The following RPS6KA5 variants were observed in gnomAD, a reference collection of about 807,000 sequenced individuals.
RPS6KA5 encodes the protein ribosomal protein S6 kinase alpha-5.
RPS6KA5 carries 27 observed loss-of-function variants against 85.5 expected under a neutral mutation model. That is an observed-to-expected ratio of 0.32 (90% CI 0.23 to 0.44). The LOEUF (loss-of-function observed/expected upper bound fraction) is 0.44, where lower values mean the gene tolerates loss of function less well. Among genes scored for constraint, RPS6KA5 ranks in the 20% least tolerant of loss-of-function variants. The pLI, the probability that RPS6KA5 is intolerant of heterozygous loss-of-function variation, is 1.00. For missense variants in RPS6KA5, 811 were observed against 980.9 expected, an observed-to-expected ratio of 0.83 and a Z score of 2.31; for synonymous variants, 334 against 348.2, an observed-to-expected ratio of 0.96 and a Z score of 0.46.
At chr14:90,998,847 A>G (rs1436392135) in intron 2 of RPS6KA5, among the ~76,000 whole-genome samples, 1 of 152,184 alleles carries the variant, frequency 6.6e-6, no homozygotes, top group African/African-American at 2.4e-5. Context: ...TAAACTACTC[A>G]GGGAGGTTAT....
chr14:90,884,960 TAAGA>T (rs2034090079), intron 14 of RPS6KA5, among the ~76,000 whole-genome samples: 1 of 151,982 alleles, frequency 6.6e-6, no homozygotes, highest in Non-Finnish European at 1.5e-5. Flanking sequence ...TGGCTAAATA[TAAGA>T]AAGCAGGGCA....
chr14:90,938,345 G>A (rs548727116), intron 5 of RPS6KA5, among the ~76,000 whole-genome samples: 56 of 152,300 alleles, frequency 3.7e-4, no homozygotes, highest in South Asian at 1.2e-3. Flanking sequence ...ACAGACTGGT[G>A]TTGAGTGTCT....
At chr14:90,975,660 A>C (rs929905959) in intron 3 of RPS6KA5, among the ~76,000 whole-genome samples, 9 of 152,222 alleles carry the variant, frequency 5.9e-5, no homozygotes. Flanking sequence ...TCTATTGTTT[A>C]AGCCACCCAG....
chr14:90,983,840 T>TG (rs71117393), intron 2 of RPS6KA5, among the ~76,000 whole-genome samples: 4 of 135,322 alleles, frequency 3.0e-5, no homozygotes, highest in African/African-American at 1.3e-4. Flanking sequence ...TCTCTCTCTC[T>TG]TTCTTTTTTT....
intron 13 of RPS6KA5, chr14:90,894,031 T>TA (rs1023677535): frequency 1.1e-6 from 1 of 917,304 alleles, no homozygotes; most frequent in African/African-American, 1.8e-5. Flanking sequence ...ATTACAAATG[T>TA]AAAAAATAAG....
intron 4 of RPS6KA5, among the ~76,000 whole-genome samples, chr14:90,945,207 G>C (rs376463655): frequency 6.7e-6 from 1 of 149,876 alleles, no homozygotes; most frequent in Non-Finnish European, 1.5e-5. Context: ...AGCTGTGATC[G>C]TGCCACTGCA....
At position 91,060,411 on chromosome 14, in the gene RPS6KA5, G is replaced by A. The variant is rs1435148220; in HGVS notation, c.24C>T (p.Ser8=). The A allele has an allele frequency of 3.3e-6, 5 of 1,505,050 alleles. No homozygotes were observed. The highest frequency in any genetic ancestry group is 2.7e-5 in the East Asian group (1 of 37,352). 93.2% of individuals were successfully genotyped at this position (1,505,050 alleles called of 1,614,324 possible). A position where few individuals can be genotyped will look rare whatever the true frequency, so the allele number is the denominator to read the frequency against. The stretch of plus-strand genomic sequence containing the variant: ...CCGCGCTGGTCCCCGCGGCGCCGCC[G>A]CTGCTGCCACCCTCCTCCTCCATCT... MEEEGGS[S]GGAAGTSADG... Residue 8 remains serine (S), a synonymous_variant, in exon 1 of 17, where the codon AGC becomes AGT. Transcript: ENST00000614987.
intron 1 of RPS6KA5, among the ~76,000 whole-genome samples, chr14:91,013,544 T>C (rs1171686196): frequency 1.9e-5 from 2 of 106,566 alleles, no homozygotes; most frequent in African/African-American, 7.0e-5. Flanking sequence ...TCTGAGAATC[T>C]GCAATTAGTG....
At chr14:90,988,908 G>C (rs2040185260) in intron 2 of RPS6KA5, among the ~76,000 whole-genome samples, 1 of 152,134 alleles carries the variant, frequency 6.6e-6, no homozygotes, top group African/African-American at 2.4e-5. Flanking sequence ...TCTTGTAAAT[G>C]CTAACAAAAT....
At chr14:90,901,653 C>T (rs1566715669) in intron 9 of RPS6KA5, among the ~76,000 whole-genome samples, 1 of 152,058 alleles carries the variant, frequency 6.6e-6, no homozygotes, top group Non-Finnish European at 1.5e-5. Context: ...ACATACTAGA[C>T]AGTGATAAGC....
At chr14:91,012,053 G>A (rs911376156) in intron 1 of RPS6KA5, among the ~76,000 whole-genome samples, 1 of 151,902 alleles carries the variant, frequency 6.6e-6, no homozygotes, top group African/African-American at 2.4e-5. Flanking sequence ...CTTAAATTTT[G>A]TTCAAAACCT....
intron 2 of RPS6KA5, among the ~76,000 whole-genome samples, chr14:90,983,817 G>GTCTCTCTCTCTC (rs531667852): frequency 8.1e-5 from 9 of 111,056 alleles, no homozygotes; most frequent in Non-Finnish European, 1.4e-4. Context: ...CTCTCTCTCT[G>GTCTCTCTCTCTC]TCTCTCTCTC....
intron 14 of RPS6KA5, among the ~76,000 whole-genome samples, chr14:90,879,483 T>C (rs1165648494): frequency 6.6e-6 from 1 of 152,202 alleles, no homozygotes; most frequent in Non-Finnish European, 1.5e-5. Context: ...CTCTGAGAGC[T>C]GTGCTGAACC....
chr14:90,941,199 G>A (rs1228903196), intron 5 of RPS6KA5, among the ~76,000 whole-genome samples: 4 of 152,076 alleles, frequency 2.6e-5, no homozygotes, highest in Non-Finnish European at 5.9e-5. Flanking sequence ...ATTAATTATA[G>A]TAAAATACAG....
At chr14:90,956,911 G>C (rs2038542807) in intron 3 of RPS6KA5, among the ~76,000 whole-genome samples, 1 of 150,692 alleles carries the variant, frequency 6.6e-6, no homozygotes, top group East Asian at 1.9e-4. Flanking sequence ...AGATAGAAGG[G>C]GAAATACATA....
intron 3 of RPS6KA5, among the ~76,000 whole-genome samples, chr14:90,970,773 G>A (rs1490002383): frequency 6.6e-6 from 1 of 152,074 alleles, no homozygotes; most frequent in Non-Finnish European, 1.5e-5. Context: ...CACAGGTACA[G>A]AAAAAGTTAT....
chr14:90,848,609 G>A lies in RPS6KA5; in HGVS notation c.*23465C>T, dbSNP rs146425323. The A allele has an allele frequency of 5.3e-4, 81 of 152,206 alleles. No individual in the cohort carries two copies. The highest frequency in any genetic ancestry group is 1.9e-3 in the African/African-American group (78 of 41,516). The allele number at this position is 152,206 out of a possible 1,614,324, so 9.4% of individuals were successfully genotyped here. ...ACAAAATAAAATTGATCCTTGATGTGAGAATAACTGTATTCCTTGCATGTT... is the reference window on the plus strand; with the variant it reads ...ACAAAATAAAATTGATCCTTGATGTAAGAATAACTGTATTCCTTGCATGTT... On this transcript the variant is annotated 3_prime_UTR_variant, in exon 17 of 17. Transcript: ENST00000614987.
Position 90,851,915 on chromosome 14 carries a change from C to A in RPS6KA5, c.*20159G>T, listed in dbSNP as rs961620472. The A allele has an allele frequency of 6.6e-6, 1 of 152,038 alleles. No individual in the cohort carries two copies. Among genetic ancestry groups the A allele is most frequent in the Non-Finnish European group, 1.5e-5 (1 of 68,030 alleles). The allele number at this position is 152,038 out of a possible 1,614,324, so 9.4% of individuals were successfully genotyped here. ...CTTTGCATCTAACTTCAACACACAG[C>A]CTTCCCAATCATCTCACAGCGTTTA... On this transcript the variant is annotated 3_prime_UTR_variant, in exon 17 of 17. Transcript: ENST00000614987.
At chr14:90,950,627 A>G (rs151131165) in intron 3 of RPS6KA5, among the ~76,000 whole-genome samples, 137 of 152,266 alleles carry the variant, frequency 9.0e-4, no homozygotes, top group Middle Eastern at 3.4e-3. Context: ...CTGTTTTTCT[A>G]CATCTGTTGG....
Sources: allele counts gnomAD v4.1 joint callset (sites outside exome capture counted in the v4.1 genomes callset), GRCh38; gene constraint gnomAD v4.1.1; transcripts MANE v1.5; gene names NCBI Gene and HGNC (gene_info 2026-07-23, HGNC 2026-07-21).